Variants in C2orf76 observed in about 807,000 individuals in gnomAD.
C2orf76 encodes the protein chromosome 2 open reading frame 76, also known as UPF0538 protein C2orf76.
In C2orf76, 23 loss-of-function variants were observed where a neutral mutation model predicts 16.9. That is an observed-to-expected ratio of 1.36 (90% CI 0.98 to 1.93). The LOEUF (loss-of-function observed/expected upper bound fraction) is 1.93, where lower values mean the gene tolerates loss of function less well. C2orf76 is among the 30% of genes most tolerant of loss of function. The pLI is 0.00. For missense variants in C2orf76, 152 were observed against 152.6 expected (o/e 1.00, Z 0.02); for synonymous variants, 48 against 52.3 (o/e 0.92, Z 0.35).
At chr2:119,356,743 T>C (rs1268466727) in intron 1 of C2orf76, among the ~76,000 whole-genome samples, 1 of 150,278 alleles carries the variant, frequency 6.7e-6, no homozygotes, top group Non-Finnish European at 1.5e-5. Flanking sequence ...CACTGATGAA[T>C]CTTGAGCAAG....
chr2:119,353,051 T>C (rs1430190759), intron 1 of C2orf76, among the ~76,000 whole-genome samples: 1 of 152,150 alleles, frequency 6.6e-6, no homozygotes, highest in African/African-American at 2.4e-5. Flanking sequence ...GAGCAGGAAA[T>C]TGTTAAGAAG....
chr2:119,335,170 C>T (rs545442875), intron 2 of C2orf76, among the ~76,000 whole-genome samples: 12 of 152,236 alleles, frequency 7.9e-5, no homozygotes, highest in East Asian at 7.7e-4. Context: ...TATGTACATA[C>T]GCACAGGTTA....
At chr2:119,320,854 T>C (rs1337793471) in intron 3 of C2orf76, among the ~76,000 whole-genome samples, 1 of 152,236 alleles carries the variant, frequency 6.6e-6, no homozygotes, top group Non-Finnish European at 1.5e-5. Flanking sequence ...TATTGGCATT[T>C]AAAATGTTAA....
chr2:119,363,391 T>C (rs1573698463), intron 1 of C2orf76, among the ~76,000 whole-genome samples: 1 of 133,904 alleles, frequency 7.5e-6, no homozygotes, highest in Non-Finnish European at 1.5e-5. Context: ...ACCACTACAC[T>C]CCAGCCTGGG....
At chr2:119,342,637 G>A (rs1302329263) in intron 1 of C2orf76, among the ~76,000 whole-genome samples, 4 of 151,802 alleles carry the variant, frequency 2.6e-5, no homozygotes, top group Middle Eastern at 3.4e-3. Flanking sequence ...AAAAAAAAAA[G>A]AAAGGAGACA....
At chr2:119,320,637 C>G (rs558292881) in intron 3 of C2orf76, among the ~76,000 whole-genome samples, 3 of 152,070 alleles carry the variant, frequency 2.0e-5, no homozygotes, top group Non-Finnish European at 2.9e-5. Flanking sequence ...ATGTCTGCAC[C>G]AATTAAGAGA....
intron 4 of C2orf76, among the ~76,000 whole-genome samples, chr2:119,312,491 C>T (rs1233565485): frequency 6.6e-6 from 1 of 152,126 alleles, no homozygotes; most frequent in East Asian, 1.9e-4. Flanking sequence ...GTCAAGTGAT[C>T]CTCTGACCTT....
At chr2:119,313,032 A>C (rs1050171015) in intron 4 of C2orf76, among the ~76,000 whole-genome samples, 1 of 151,920 alleles carries the variant, frequency 6.6e-6, no homozygotes, top group African/African-American at 2.4e-5. Flanking sequence ...CATTCAAAAA[A>C]AAAAAAAAAA....
At chr2:119,363,517 T>A (rs1015227915) in intron 1 of C2orf76, among the ~76,000 whole-genome samples, 2 of 151,002 alleles carry the variant, frequency 1.3e-5, no homozygotes, top group Non-Finnish European at 2.9e-5. Context: ...GGAAAGAAAA[T>A]ACAGAATGAA....
chr2:119,311,141 CT>C, intron 5 of C2orf76: 1 of 985,318 alleles, frequency 1.0e-6, no homozygotes, highest in Admixed American at 6.1e-5. Flanking sequence ...CAATCAGGTA[CT>C]TTTCAGCTGC....
intron 4 of C2orf76, among the ~76,000 whole-genome samples, chr2:119,315,816 G>A (rs1026087725): frequency 5.9e-5 from 9 of 152,242 alleles, no homozygotes; most frequent in African/African-American, 2.2e-4. Flanking sequence ...GAACCTGCCA[G>A]TGTGAAACAT....
chr2:119,318,098 A>G (rs916515171), intron 3 of C2orf76, among the ~76,000 whole-genome samples: 4 of 151,994 alleles, frequency 2.6e-5, no homozygotes, highest in Non-Finnish European at 4.4e-5. Flanking sequence ...TTCAAACCCA[A>G]CTTCACTCCT....
chr2:119,335,581 T>C (rs1195164498), intron 2 of C2orf76, among the ~76,000 whole-genome samples: 3 of 152,204 alleles, frequency 2.0e-5, no homozygotes, highest in African/African-American at 7.2e-5. Flanking sequence ...TTTTTGTACA[T>C]GGTTTATTCT....
the C2orf76 span, among the ~76,000 whole-genome samples, chr2:119,293,231 G>C: frequency 6.6e-6 from 1 of 152,212 alleles, no homozygotes; most frequent in Admixed American, 6.5e-5. Context: ...AATGAGTTTT[G>C]CAAGGGCAAG....
chr2:119,318,594 A>C (rs1385310981), intron 3 of C2orf76, among the ~76,000 whole-genome samples: 2 of 150,010 alleles, frequency 1.3e-5, no homozygotes, highest in Non-Finnish European at 2.9e-5. Context: ...CAGCAGCATG[A>C]TCTCAGCTCA....
chr2:119,347,698 C>CTCA lies in C2orf76; in HGVS notation c.-12-7730_-12-7728dup, dbSNP rs574809258. On this transcript the variant is annotated intron_variant, in intron 1 of 5. Coordinates refer to ENST00000334816, the MANE Select transcript of C2orf76 (RefSeq NM_001322331.2). Reference sequence around the variant, plus strand: ...ACCAGCCTGGGCAACATATCGAGACCTCATCTCTCCAAAAATAATTTTTTA... The same window carrying CTCA: ...ACCAGCCTGGGCAACATATCGAGACCTCATCATCTCTCCAAAAATAATTTTTTA... Among the ~76,000 whole-genome samples, 64 of 151,878 alleles carry CTCA rather than the reference C, an allele frequency of 4.2e-4. 1 individual carries two copies. The East Asian group carries it at 0.012, about 28-fold the overall frequency.
intron 1 of C2orf76, among the ~76,000 whole-genome samples, chr2:119,348,578 C>T (rs541052624): frequency 5.3e-5 from 8 of 151,946 alleles, no homozygotes; most frequent in Non-Finnish European, 1.0e-4. Flanking sequence ...CCCAGCTACT[C>T]GGGAGGCTGA....
intron 1 of C2orf76, among the ~76,000 whole-genome samples, chr2:119,355,606 G>A (rs537436729): frequency 1.1e-4 from 16 of 152,298 alleles, no homozygotes; most frequent in African/African-American, 3.8e-4. Context: ...CCTCTCAGTG[G>A]TGGCATTAGA....
intron 2 of C2orf76, among the ~76,000 whole-genome samples, chr2:119,337,836 T>C (rs1333291192): frequency 6.6e-6 from 1 of 152,200 alleles, no homozygotes; most frequent in Non-Finnish European, 1.5e-5. Flanking sequence ...ACTGCTCTGC[T>C]GGGGAAGGTA....
Sources: gnomAD v4.1 joint callset for allele counts (sites outside exome capture counted in the v4.1 genomes callset) on GRCh38, gnomAD v4.1.1 for gene constraint, MANE v1.5 for transcripts, NCBI Gene and HGNC (gene_info 2026-07-23, HGNC 2026-07-21) for gene names.